The following ATG2B variants were observed in gnomAD, a reference collection of about 807,000 sequenced individuals.
The protein encoded by ATG2B is autophagy-related protein 2 homolog B.
Under a neutral mutation model 241.3 loss-of-function variants are expected in ATG2B, and 121 were observed. The observed-to-expected ratio is 0.50, with a 90% CI of 0.43 to 0.58. The LOEUF is 0.58. Ranked by LOEUF, ATG2B falls within the 20% of genes least tolerant of loss-of-function variation. The pLI is 0.00. For missense variants in ATG2B, 2,306 were observed against 2,491.6 expected, an observed-to-expected ratio of 0.93 and a Z score of 1.59; for synonymous variants, 858 against 876.6, an observed-to-expected ratio of 0.98 and a Z score of 0.37.
Position 96,327,230 on chromosome 14 carries a change from C to T in ATG2B, c.2163+1117G>A, listed in dbSNP as rs572565288. ...CGGTCTGGGCAACAGATGTCTGTCT[C>T]AATAATAATAATAATAATAATAATA... On this transcript the variant is annotated intron_variant, in intron 14 of 41. Transcript: ENST00000359933. Among the ~76,000 whole-genome samples, 576 of 148,820 alleles carry T rather than the reference C, an allele frequency of 3.9e-3. 6 individuals are homozygous for T. The highest frequency in any genetic ancestry group is 0.013 in the African/African-American group (532 of 40,380).
intron 32 of ATG2B, among the ~76,000 whole-genome samples, chr14:96,303,693 C>T (rs1156615274): frequency 6.6e-6 from 1 of 152,070 alleles, no homozygotes; most frequent in Admixed American, 6.5e-5. Context: ...AAGTTCAGTA[C>T]TATTTGCAGT....
At chr14:96,331,946 G>A (rs551849492) in intron 10 of ATG2B, among the ~76,000 whole-genome samples, 1 of 151,790 alleles carries the variant, frequency 6.6e-6, no homozygotes, top group African/African-American at 2.4e-5. Flanking sequence ...TTAAGCCTTG[G>A]GTCTATATCA....
At chr14:96,291,935 T>G in intron 37 of ATG2B, 94 bp downstream of exon 37, 1 of 891,220 alleles carries the variant, frequency 1.1e-6, no homozygotes. Flanking sequence ...CAAACATATA[T>G]ATAAACTATG....
intron 1 of ATG2B, among the ~76,000 whole-genome samples, chr14:96,349,009 T>C (rs1888244504): frequency 6.6e-6 from 1 of 152,114 alleles, no homozygotes; most frequent in East Asian, 1.9e-4. Context: ...AAGAGACAAG[T>C]AATTAAAGTG....
chr14:96,324,279 C>G, intron 15 of ATG2B: 2 of 302,536 alleles, frequency 6.6e-6, no homozygotes, highest in Non-Finnish European at 1.2e-5. Context: ...TTACTAAGTG[C>G]TATTAGTGAT....
intron 1 of ATG2B, among the ~76,000 whole-genome samples, chr14:96,361,689 C>G (rs748936924): frequency 6.6e-5 from 10 of 152,016 alleles, no homozygotes; most frequent in Non-Finnish European, 1.0e-4. Context: ...CATTATCACT[C>G]GGCTAATTGT....
chr14:96,308,308 A>G (rs1887058747), intron 29 of ATG2B, among the ~76,000 whole-genome samples: 1 of 103,736 alleles, frequency 9.6e-6, no homozygotes, highest in Non-Finnish European at 1.9e-5. Context: ...TTTTTGAGAC[A>G]GAATCTCGCT....
At chr14:96,316,481 A>T in intron 21 of ATG2B, 52 bp downstream of exon 21, 4 of 1,548,610 alleles carry the variant, frequency 2.6e-6, no homozygotes. Flanking sequence ...TTGTTAAACA[A>T]GAAATTTAAA....
At chr14:96,342,322 C>T (rs1053058677) in intron 5 of ATG2B, among the ~76,000 whole-genome samples, 2 of 152,086 alleles carry the variant, frequency 1.3e-5, no homozygotes, top group Non-Finnish European at 2.9e-5. Context: ...CAGGAAAATA[C>T]ACCTGACCTC....
intron 15 of ATG2B, 74 bp from the exon 16 acceptor site, chr14:96,324,072 C>G (rs1367478138): frequency 1.0e-6 from 1 of 994,426 alleles, no homozygotes; most frequent in East Asian, 2.5e-5. Flanking sequence ...GAGCAAAGAT[C>G]CTCTCAATCA....
rs139704353 is a variant in ATG2B at position 96,327,855 on chromosome 14, C to T, written c.2163+492G>A. On this transcript the variant is annotated intron_variant, in intron 14 of 41. Coordinates refer to ENST00000359933, the MANE Select transcript of ATG2B (RefSeq NM_018036.7). Reference sequence around the variant, plus strand: ...TTCTTTTTCTTGAGACAGAGTCTCGCTCTGTCACCCAAGCTGAAGTGCAGT... The same window carrying T: ...TTCTTTTTCTTGAGACAGAGTCTCGTTCTGTCACCCAAGCTGAAGTGCAGT... 5.4e-4 allele frequency among the ~76,000 whole-genome samples: 82 copies of T among 152,278 alleles called. 1 individual carries two copies. In the East Asian group the frequency reaches 0.013, roughly 25 times the overall value.
intron 1 of ATG2B, among the ~76,000 whole-genome samples, chr14:96,355,085 A>G (rs927293428): frequency 6.6e-6 from 1 of 152,150 alleles, no homozygotes; most frequent in African/African-American, 2.4e-5. Flanking sequence ...CCCATTCTGT[A>G]GGCTGTCTGT....
intron 6 of ATG2B, among the ~76,000 whole-genome samples, chr14:96,339,774 C>T (rs534143997): frequency 2.0e-5 from 3 of 151,872 alleles, no homozygotes; most frequent in South Asian, 4.2e-4. Context: ...ACTGAGTATA[C>T]CGTACACTGC....
Position 96,285,770 on chromosome 14 carries a change from G to C in ATG2B, c.6222C>G (p.Arg2074=). 1 of 1,613,834 alleles carries C rather than the reference G, an allele frequency of 6.2e-7. No individual in the cohort carries two copies. The highest frequency in any genetic ancestry group is 2.2e-5 in the East Asian group (1 of 44,880). ...DVRQDESQKW[R]HGDD is the part of the protein sequence containing the mutation. ...TTCCAAGCCATCAGTCATCCCCGTG[G>C]CGCCATTTCTGTGACTCGTCTTGCC... is the stretch of plus-strand genomic sequence containing the variant. Residue 2074 remains arginine (R), a synonymous_variant, in exon 42 of 42, where the codon CGC becomes CGG. Transcript: ENST00000359933. The surrounding 1 kb of genome is among the most constrained non-coding windows in gnomAD (Gnocchi z 4.2).
chr14:96,361,861 C>T (rs1888640425), intron 1 of ATG2B, among the ~76,000 whole-genome samples: 1 of 152,094 alleles, frequency 6.6e-6, no homozygotes, highest in Non-Finnish European at 1.5e-5. Flanking sequence ...TAGTCTCTAG[C>T]ACAAATTCGC....
chr14:96,295,501 T>C lies in ATG2B; in HGVS notation c.5199A>G (p.Gln1733=), dbSNP rs772875637. 6.2e-7 allele frequency: 1 copy of C among 1,605,404 alleles called. No homozygotes were observed. Among genetic ancestry groups the C allele is most frequent in the Non-Finnish European group, 8.5e-7 (1 of 1,176,724 alleles). The change falls in exon 35 of 42, where the codon CAA becomes CAG. Residue 1733 remains glutamine, a synonymous_variant. Coordinates refer to ENST00000359933, the MANE Select transcript of ATG2B (RefSeq NM_018036.7). ...FTSLSAEVEL[Q]MTPDPEVKKS... ...TAATACCTTCTGGATCTGGAGTCAT[T>C]TGAAGCTCTACTTCTGCAGAAAGAC...
At chr14:96,350,692 G>A (rs1257411398) in intron 1 of ATG2B, among the ~76,000 whole-genome samples, 3 of 152,244 alleles carry the variant, frequency 2.0e-5, no homozygotes, top group Non-Finnish European at 4.4e-5. Context: ...CTGTACCCTA[G>A]TGTTGAATAG....
intron 34 of ATG2B, among the ~76,000 whole-genome samples, chr14:96,296,956 G>A (rs1191444219): frequency 1.3e-5 from 2 of 152,080 alleles, no homozygotes; most frequent in African/African-American, 4.8e-5. Context: ...TAGGTAACAT[G>A]CATATGGGAG....
chr14:96,322,460 T>G, intron 17 of ATG2B, 80 bp downstream of exon 17: 1 of 1,446,004 alleles, frequency 6.9e-7, no homozygotes, highest in Non-Finnish European at 9.2e-7. Context: ...AGGCATTTTT[T>G]TAAAAATAAA....
Sources: allele counts gnomAD v4.1 joint callset (sites outside exome capture counted in the v4.1 genomes callset), GRCh38; gene constraint gnomAD v4.1.1; non-coding constraint Gnocchi (gnomAD v3.1); transcripts MANE v1.5; gene names NCBI Gene and HGNC (gene_info 2026-07-23, HGNC 2026-07-21).